Variants in MRTFB observed in about 807,000 individuals in gnomAD.
MRTFB encodes myocardin-related transcription factor B.
In MRTFB, 29 loss-of-function variants were observed where a neutral mutation model predicts 104.2. The ratio of observed to expected loss-of-function variants is 0.28; its 90% confidence interval spans 0.21 to 0.38. MRTFB has a LOEUF of 0.38. MRTFB is among the 10% of genes least tolerant of loss of function. MRTFB has a pLI of 1.00. For synonymous variants in MRTFB, 535 were observed against 519.5 expected, an observed-to-expected ratio of 1.03 and a Z score of -0.41; for missense variants, 1,270 against 1,341.6, an observed-to-expected ratio of 0.95 and a Z score of 0.83.
intron 2 of MRTFB, among the ~76,000 whole-genome samples, chr16:14,087,307 A>G (rs2034773556): frequency 6.6e-6 from 1 of 152,194 alleles, no homozygotes; most frequent in South Asian, 2.1e-4. Flanking sequence ...CTCTAGGTTA[A>G]GGATATGTAC....
the MRTFB span, among the ~76,000 whole-genome samples, chr16:14,040,246 G>A: frequency 1.3e-5 from 2 of 152,128 alleles, no homozygotes; most frequent in Non-Finnish European, 2.9e-5. Context: ...TCTACTAATG[G>A]CCATTTAGAT....
At chr16:14,098,368 A>T (rs1201868069) in intron 2 of MRTFB, among the ~76,000 whole-genome samples, 2 of 152,170 alleles carry the variant, frequency 1.3e-5, no homozygotes, top group African/African-American at 4.8e-5. Context: ...TTATTTGCCA[A>T]TAGTTGGTAA....
chr16:14,107,236 A>T, intron 2 of MRTFB, among the ~76,000 whole-genome samples: 1 of 152,198 alleles, frequency 6.6e-6, no homozygotes, highest in East Asian at 1.9e-4. Flanking sequence ...ACTCTGTCTC[A>T]AACAAAAAAA....
At chr16:14,014,549 CTT>C in the MRTFB span, among the ~76,000 whole-genome samples, 2 of 151,524 alleles carry the variant, frequency 1.3e-5, no homozygotes, top group Non-Finnish European at 2.9e-5. Context: ...TGGTGAGACT[CTT>C]GTCTCAAAAA....
At chr16:14,073,187 C>A (rs1412305525) in intron 1 of MRTFB, among the ~76,000 whole-genome samples, 1 of 152,136 alleles carries the variant, frequency 6.6e-6, no homozygotes, top group African/African-American at 2.4e-5. Context: ...TAAAGTAATG[C>A]CAGTTTATAG....
chr16:14,036,549 T>A, the MRTFB span, among the ~76,000 whole-genome samples: 282 of 138,926 alleles, frequency 2.0e-3, 5 homozygotes, highest in African/African-American at 7.0e-3. Flanking sequence ...ATTCCATCAT[T>A]TATATGTTGA....
In MRTFB at chr16:14,218,886, C is replaced by G. The variant is rs1371857102; in HGVS notation, c.581C>G (p.Ala194Gly). The G allele has an allele frequency of 1.9e-6, 3 of 1,613,984 alleles. No individual in the cohort carries two copies. The highest frequency in any genetic ancestry group is 2.5e-6 in the Non-Finnish European group (3 of 1,180,012). ...TCATTTGATGAAGACAGCAGTGACG[C>G]TTTGTCTCCGGACCAGCCTGCGAGT... is the stretch of plus-strand genomic sequence containing the variant. ...DFSFDEDSSDALSPDQPASQE... is the reference protein window; with the variant it reads ...DFSFDEDSSDGLSPDQPASQE... The change falls in exon 8 of 17, where the codon GCT (alanine) becomes GGT (glycine). Residue 194 changes from alanine (A) to glycine (G), a missense_variant. By Grantham distance (60) the Ala-to-Gly change is moderately conservative. Around this residue, in one of 3 missense-constraint regions of MRTFB, gnomAD observed 1,144 missense variants for 1,131.5 expected, o/e 1.01. Transcript: ENST00000571589.
At chr16:14,038,930 C>T in the MRTFB span, among the ~76,000 whole-genome samples, 2 of 152,074 alleles carry the variant, frequency 1.3e-5, no homozygotes, top group South Asian at 2.1e-4. Context: ...AGAATGAGAA[C>T]CAACTGAAAG....
intron 4 of MRTFB, 32 bp downstream of exon 4, chr16:14,210,340 C>T (rs1447923712): frequency 3.2e-6 from 5 of 1,563,686 alleles, no homozygotes; most frequent in African/African-American, 2.7e-5. Flanking sequence ...CCATCCCTAA[C>T]GTGACAGAAC....
In MRTFB at chr16:14,246,936, C is replaced by T. The variant is rs1456631884; in HGVS notation, c.1676C>T (p.Thr559Ile). The change falls in exon 12 of 17, where the codon ACT becomes ATT. Residue 559 changes from threonine (T) to isoleucine (I), a missense_variant. This residue lies in a region of MRTFB where 1,144 missense variants were observed against 1,131.5 expected (regional missense o/e 1.01). Transcript: ENST00000571589. ...GACAGTCTGAGTCCCACCAGCAGCACTCTGTCAAACCTGGAACTGGATGCA... is the reference window on the plus strand; with the variant it reads ...GACAGTCTGAGTCCCACCAGCAGCATTCTGTCAAACCTGGAACTGGATGCA... ...NEDSLSPTSS[T>I]LSNLELDAAE... The T allele has an allele frequency of 2.5e-6, 4 of 1,613,952 alleles. No homozygotes were observed. Among genetic ancestry groups the T allele is most frequent in the African/African-American group, 1.3e-5 (1 of 74,928 alleles).
chr16:14,206,438 C>T (rs1394544308), intron 3 of MRTFB, among the ~76,000 whole-genome samples: 1 of 152,134 alleles, frequency 6.6e-6, no homozygotes, highest in African/African-American at 2.4e-5. Flanking sequence ...TTGATATCTG[C>T]CAAAATTATA....
intron 8 of MRTFB, among the ~76,000 whole-genome samples, chr16:14,232,976 G>A (rs552118830): frequency 1.3e-5 from 2 of 152,198 alleles, no homozygotes; most frequent in South Asian, 4.1e-4. Flanking sequence ...CTTAAGATAA[G>A]GGTGGTGTAA....
intron 11 of MRTFB, 85 bp from the exon 12 acceptor site, chr16:14,246,388 T>A (rs2043018171): frequency 2.2e-6 from 3 of 1,358,308 alleles, no homozygotes. Context: ...CTGACAGACA[T>A]AGGCACCTTT....
intron 2 of MRTFB, among the ~76,000 whole-genome samples, chr16:14,086,982 G>A (rs1489561818): frequency 6.6e-6 from 1 of 152,094 alleles, no homozygotes. Context: ...GGAAGTAGTC[G>A]TTTGATTGGA....
chr16:14,147,237 T>C (rs1373122042), intron 3 of MRTFB, among the ~76,000 whole-genome samples: 2 of 152,218 alleles, frequency 1.3e-5, no homozygotes, highest in Non-Finnish European at 2.9e-5. Flanking sequence ...TTTTTAAAAA[T>C]TGGGCTTTGG....
At chr16:14,156,957 G>A (rs746308985) in intron 3 of MRTFB, among the ~76,000 whole-genome samples, 6 of 151,998 alleles carry the variant, frequency 3.9e-5, no homozygotes, top group Non-Finnish European at 7.4e-5. Flanking sequence ...CCCATCATGC[G>A]TTCCTCCCAT....
the MRTFB span, among the ~76,000 whole-genome samples, chr16:14,036,286 T>G: frequency 2.4e-5 from 1 of 41,220 alleles, no homozygotes; most frequent in Non-Finnish European, 5.4e-5. Flanking sequence ...TATATGTATT[T>G]TATATATATT....
At chr16:14,165,061 C>G (rs143627292) in intron 3 of MRTFB, among the ~76,000 whole-genome samples, 1 of 151,886 alleles carries the variant, frequency 6.6e-6, no homozygotes, top group East Asian at 1.9e-4. Flanking sequence ...CACATGGTTG[C>G]TGCTGTCTTG....
chr16:14,056,834 A>G, the MRTFB span, among the ~76,000 whole-genome samples: 1 of 152,122 alleles, frequency 6.6e-6, no homozygotes, highest in Non-Finnish European at 1.5e-5. Flanking sequence ...ATATTAAGAA[A>G]CCTTTAGTTC....
Sources: gnomAD v4.1 joint callset for allele counts (sites outside exome capture counted in the v4.1 genomes callset) on GRCh38, gnomAD v4.1.1 for gene constraint, gnomAD v4.1.1 regional missense constraint, MANE v1.5 for transcripts, NCBI Gene and HGNC (gene_info 2026-07-23, HGNC 2026-07-21) for gene names.